DDX46: variants seen among roughly 807,000 people sequenced by gnomAD.
DDX46 encodes DEAD-box helicase 46.
A neutral mutation model predicts 134.9 loss-of-function variants in DDX46; 30 were observed. The observed-to-expected ratio is 0.22, with a 90% CI of 0.17 to 0.30. The LOEUF (loss-of-function observed/expected upper bound fraction) is 0.30, where lower values mean the gene tolerates loss of function less well. DDX46 is among the 10% of genes least tolerant of loss of function. DDX46 has a pLI of 1.00. For synonymous variants in DDX46, 415 were observed against 404.1 expected (o/e 1.03, Z -0.32); for missense variants, 622 against 1,248.7 (o/e 0.50, Z 7.56).
intron 4 of DDX46, 63 bp downstream of exon 4, chr5:134,771,062 T>A (rs563022998): frequency 2.9e-6 from 2 of 700,054 alleles, no homozygotes; most frequent in East Asian, 6.0e-5. Flanking sequence ...CTTTCTTTTC[T>A]TTCTTTCCCT....
chr5:134,781,778 T>C, intron 7 of DDX46, 143 bp from the exon 8 acceptor site: 1 of 752,596 alleles, frequency 1.3e-6, no homozygotes, highest in Non-Finnish European at 2.1e-6. Flanking sequence ...ATAAAAATCT[T>C]GTGGGTCAAA....
intron 4 of DDX46, among the ~76,000 whole-genome samples, chr5:134,773,391 G>T (rs1028801550): frequency 2.0e-5 from 3 of 152,214 alleles, no homozygotes; most frequent in Admixed American, 6.5e-5. Flanking sequence ...TTGTTAGGAA[G>T]AAATAAAGTT....
intron 6 of DDX46, among the ~76,000 whole-genome samples, chr5:134,779,479 C>T (rs1271923587): frequency 6.6e-6 from 1 of 152,114 alleles, no homozygotes; most frequent in East Asian, 1.9e-4. Context: ...CAAGCGTGAG[C>T]CACCACACTC....
At chr5:134,782,399 TGG>T (rs909976930) in intron 8 of DDX46, among the ~76,000 whole-genome samples, 5 of 152,046 alleles carry the variant, frequency 3.3e-5, no homozygotes, top group African/African-American at 1.2e-4. Context: ...CCTAGCACTT[TGG>T]GAGGCCAAGG....
chr5:134,786,090 C>G (rs1309435441), intron 11 of DDX46, among the ~76,000 whole-genome samples: 1 of 152,096 alleles, frequency 6.6e-6, no homozygotes, highest in Non-Finnish European at 1.5e-5. Context: ...CTCAGGTGAT[C>G]CTCCTGCCTC....
intron 6 of DDX46, among the ~76,000 whole-genome samples, chr5:134,780,093 A>T (rs1275519025): frequency 1.4e-4 from 18 of 125,568 alleles, no homozygotes; most frequent in African/African-American, 6.4e-4. Context: ...GTCTGAAAAA[A>T]ATATATGTGT....
At chr5:134,810,360 C>T (rs1360276823) in intron 16 of DDX46, among the ~76,000 whole-genome samples, 4 of 148,854 alleles carry the variant, frequency 2.7e-5, no homozygotes, top group African/African-American at 9.9e-5. Flanking sequence ...TTTTTTGAGA[C>T]GGAGTTTCAC....
chr5:134,816,391 T>C, intron 18 of DDX46, 39 bp from the exon 19 acceptor site: 2 of 1,535,866 alleles, frequency 1.3e-6, no homozygotes, highest in Middle Eastern at 1.7e-4. Flanking sequence ...GTATTTCTAA[T>C]TCAGTTTTTT....
At chr5:134,823,157 C>CTTTT (rs201053941) in intron 21 of DDX46, among the ~76,000 whole-genome samples, 193 of 111,206 alleles carry the variant, frequency 1.7e-3, no homozygotes, top group Non-Finnish European at 2.2e-3. Context: ...TTAATTTCAT[C>CTTTT]TTTTTTTTTT....
intron 5 of DDX46, among the ~76,000 whole-genome samples, chr5:134,776,359 A>G (rs1753936647): frequency 6.6e-6 from 1 of 151,456 alleles, no homozygotes; most frequent in Non-Finnish European, 1.5e-5. Context: ...GTGCCACTGC[A>G]CTCCAGCCTG....
chr5:134,768,378 G>A (rs1200483325), intron 3 of DDX46, among the ~76,000 whole-genome samples: 1 of 151,386 alleles, frequency 6.6e-6, no homozygotes, highest in African/African-American at 2.4e-5. Flanking sequence ...CCAAAGTGCT[G>A]GGATTAAAGG....
intron 3 of DDX46, among the ~76,000 whole-genome samples, chr5:134,768,404 C>T (rs1366426637): frequency 6.6e-6 from 1 of 151,502 alleles, no homozygotes; most frequent in Non-Finnish European, 1.5e-5. Context: ...GCCACCGTGC[C>T]TGGCCAGAAA....
intron 2 of DDX46, among the ~76,000 whole-genome samples, chr5:134,765,789 T>A (rs1753549391): frequency 6.6e-6 from 1 of 152,174 alleles, no homozygotes; most frequent in South Asian, 2.1e-4. Flanking sequence ...GACATTGGAG[T>A]ACATTGTTGT....
In DDX46 at chr5:134,828,968, T is replaced by G; in HGVS notation, c.*262T>G. 7.3e-6 allele frequency: 2 copies of G among 274,090 alleles called. No individual in the cohort carries two copies. 17.0% of individuals were successfully genotyped at this position (274,090 alleles called of 1,614,324 possible). A position where few individuals can be genotyped will look rare whatever the true frequency, so the allele number is the denominator to read the frequency against. On this transcript the variant is annotated 3_prime_UTR_variant, in exon 23 of 23. Transcript: ENST00000452510. ...AATATCAATATTTTAAATGTCCGGA[T>G]AATATTCTAGAGGTTTAAAAAATGG... is the stretch of plus-strand genomic sequence containing the variant.
Position 134,818,050 on chromosome 5 carries a change from A to G in DDX46, c.2832+336A>G, listed in dbSNP as rs559901081. On this transcript the variant is annotated intron_variant, in intron 20 of 22. Coordinates refer to ENST00000452510, the MANE Select transcript of DDX46 (RefSeq NM_001300860.2). Reference sequence around the variant, plus strand: ...CCTCAACCTCCGCCTCCCGGGTTCAAGCGATTCTCCTCCCTCAGCCTCGCG... The same window carrying G: ...CCTCAACCTCCGCCTCCCGGGTTCAGGCGATTCTCCTCCCTCAGCCTCGCG... Among the ~76,000 whole-genome samples, 3 of 151,724 alleles carry G rather than the reference A, an allele frequency of 2.0e-5. No individual in the cohort carries two copies. In the East Asian group the frequency reaches 5.9e-4, roughly 30 times the overall value.
intron 21 of DDX46, among the ~76,000 whole-genome samples, chr5:134,820,864 C>CTTTTTTTTTTTTT (rs1180909732): frequency 2.4e-5 from 3 of 123,226 alleles, no homozygotes; most frequent in African/African-American, 9.3e-5. Context: ...CTTTTCTTTT[C>CTTTTTTTTTTTTT]TTTTTTTTTT....
At position 134,777,977 on chromosome 5, in the gene DDX46, T is replaced by G. The variant is rs1753999757; in HGVS notation, c.765+252T>G. On this transcript the variant is annotated intron_variant, in intron 6 of 22. Transcript: ENST00000452510. ...TTTGCTTACATATTAACCTTTTTAA[T>G]AAGTTCTCTGGAGACTTCTCTAGCA... 8.9e-6 allele frequency: 3 copies of G among 337,960 alleles called. No individual in the cohort carries two copies. In the South Asian group the frequency reaches 1.9e-4, roughly 22 times the overall value. 20.9% of individuals were successfully genotyped at this position (337,960 alleles called of 1,614,324 possible). A position where few individuals can be genotyped will look rare whatever the true frequency, so the allele number is the denominator to read the frequency against.
At chr5:134,827,143 A>G (rs1313030945) in intron 22 of DDX46, 123 bp downstream of exon 22, 1 of 917,178 alleles carries the variant, frequency 1.1e-6, no homozygotes, top group Non-Finnish European at 1.6e-6. Flanking sequence ...AGTAATAAGC[A>G]TACCAGTGTA....
rs376878698 is a variant in DDX46 at position 134,811,858 on chromosome 5, A to G, written c.2436+13A>G. On this transcript the variant is annotated intron_variant, in intron 18 of 22. Transcript: ENST00000452510. ...TGCTGCAGTTGATGTAAGTACTATT[A>G]TTCTCTCATTCTTAATTGAAGCAGT... 8 of 1,601,204 alleles carry G rather than the reference A, an allele frequency of 5.0e-6. No homozygotes were observed. Among genetic ancestry groups the G allele is most frequent in the Non-Finnish European group, 4.2e-6 (5 of 1,176,478 alleles).
Sources: gnomAD v4.1 joint callset for allele counts (sites outside exome capture counted in the v4.1 genomes callset) on GRCh38, gnomAD v4.1.1 for gene constraint, MANE v1.5 for transcripts, NCBI Gene and HGNC (gene_info 2026-07-23, HGNC 2026-07-21) for gene names.